VBP1: variants seen among roughly 807,000 people sequenced by gnomAD.
The protein encoded by VBP1 is VHL binding protein 1, also known as prefoldin subunit 3.
In VBP1, 4 loss-of-function variants were observed where a neutral mutation model predicts 15.5. The observed-to-expected ratio is 0.26, with a 90% CI of 0.13 to 0.59. The LOEUF is 0.59. Among genes scored for constraint, VBP1 ranks in the 20% least tolerant of loss-of-function variants. The probability of loss-of-function intolerance (pLI) is 0.90; values close to 1 mark genes in which losing one functional copy is unlikely to be tolerated. For synonymous variants in VBP1, 61 were observed against 52.1 expected (o/e 1.17, Z -0.74); for missense variants, 108 against 139.6 (o/e 0.77, Z 1.14).
chrX:155,217,761 A>G, intron 1 of VBP1, among the ~76,000 whole-genome samples: 1 of 111,534 alleles, frequency 9.0e-6, no homozygotes, highest in East Asian at 2.8e-4. Flanking sequence ...TACTACTGTT[A>G]TGCCCGTTTT....
intron 1 of VBP1, among the ~76,000 whole-genome samples, chrX:155,199,481 A>G (rs1175379397): frequency 1.8e-5 from 2 of 112,047 alleles, no homozygotes; most frequent in Admixed American, 9.5e-5. Context: ...AGAATTTTCA[A>G]CCCAGAATTT....
At chrX:155,238,277 A>C (rs1490702480) in intron 5 of VBP1, among the ~76,000 whole-genome samples, 1 of 112,179 alleles carries the variant, frequency 8.9e-6, no homozygotes, top group Non-Finnish European at 1.9e-5. Context: ...AAAGAACTTC[A>C]CCTGTCTTAT....
chrX:155,231,145 C>G (rs782105232), intron 4 of VBP1, among the ~76,000 whole-genome samples: 4 of 112,196 alleles, frequency 3.6e-5, no homozygotes, highest in South Asian at 3.7e-4. Flanking sequence ...CTTTTCTGCT[C>G]AAGACCCCAG....
At chrX:155,204,210 T>C (rs2074618228) in intron 1 of VBP1, among the ~76,000 whole-genome samples, 1 of 111,344 alleles carries the variant, frequency 9.0e-6, no homozygotes, top group Admixed American at 9.5e-5. Flanking sequence ...TGGAGTGAAG[T>C]GGCACGATGT....
At chrX:155,232,893 A>C (rs781920527) in intron 4 of VBP1, among the ~76,000 whole-genome samples, 17 of 112,845 alleles carry the variant, frequency 1.5e-4, no homozygotes, top group African/African-American at 1.9e-4. Flanking sequence ...GTTCATATCA[A>C]CTCTGTAGTA....
chrX:155,228,249 C>G, intron 3 of VBP1, 135 bp from the exon 4 acceptor site: 1 of 506,355 alleles, frequency 2.0e-6, no homozygotes, highest in Non-Finnish European at 3.2e-6. Context: ...GCATTCATTT[C>G]TTTTACCACT....
At chrX:155,237,510 A>G (rs1557311735) in intron 5 of VBP1, among the ~76,000 whole-genome samples, 2 of 111,374 alleles carry the variant, frequency 1.8e-5, no homozygotes, top group African/African-American at 6.5e-5. Flanking sequence ...CTTACAAGAT[A>G]TACATATAGG....
rs781973699 is a variant in VBP1 at position 155,233,884 on chromosome X, A to G, written c.385-2345A>G. ...TATGAATACTTTTCTATATGTATATAATATTAAATATAAACAAAAAAATCA... is the reference window on the plus strand; with the variant it reads ...TATGAATACTTTTCTATATGTATATGATATTAAATATAAACAAAAAAATCA... On this transcript the variant is annotated intron_variant, in intron 4 of 5. Coordinates refer to ENST00000286428, the MANE Select transcript of VBP1 (RefSeq NM_003372.7). 2.7e-5 allele frequency among the ~76,000 whole-genome samples: 3 copies of G among 110,796 alleles called. No homozygotes were observed. The South Asian group carries it at 1.1e-3, about 42-fold the overall frequency.
chrX:155,214,768 C>CTTTTTTTTTTTTTTTTTTTTTTTTTTT (rs782556765), upstream of VBP1, among the ~76,000 whole-genome samples: 1 of 83,076 alleles, frequency 1.2e-5, no homozygotes, highest in African/African-American at 5.2e-5. Flanking sequence ...TTTTCTTTTC[C>CTTTTTTTTTTTTTTTTTTTTTTTTTTT]TTTTTTTTTT....
At chrX:155,211,791 C>A (rs182832133), upstream of VBP1, among the ~76,000 whole-genome samples, 21 of 111,954 alleles carry the variant, frequency 1.9e-4, no homozygotes, top group African/African-American at 6.5e-4. Flanking sequence ...TCTGAGGGAC[C>A]CTGCAGATCT....
At chrX:155,206,526 GC>G (rs1298683036) in intron 1 of VBP1, among the ~76,000 whole-genome samples, 2 of 111,325 alleles carry the variant, frequency 1.8e-5, no homozygotes, top group Non-Finnish European at 3.8e-5. Context: ...AAGCCACTGT[GC>G]CTGGCCTTGA....
At chrX:155,200,540 A>G (rs1476277167) in intron 1 of VBP1, among the ~76,000 whole-genome samples, 1 of 110,947 alleles carries the variant, frequency 9.0e-6, no homozygotes, top group Non-Finnish European at 1.9e-5. Flanking sequence ...AGGCAGAAAT[A>G]AAGATGTTCT....
rs9698262 is a variant in VBP1 at position 155,200,119 on chromosome X, G to A, written c.-31+2980G>A. Among the ~76,000 whole-genome samples the A allele has an allele frequency of 4.9e-3, 456 of 92,237 alleles. 3 individuals are homozygous for A. The highest frequency in any genetic ancestry group is 0.018 in the African/African-American group (438 of 24,846). The allele number at this position is 92,237 out of a possible 115,157, so 80.1% of individuals were successfully genotyped here. Reference sequence around the variant, plus strand: ...CCCAGTTTCATAAAGCAAGTCCTGAGTGACCTACAAAGAGACTTAGACTCC... The same window carrying A: ...CCCAGTTTCATAAAGCAAGTCCTGAATGACCTACAAAGAGACTTAGACTCC... On this transcript the variant is annotated intron_variant, in intron 1 of 6. Coordinates refer to the VBP1 transcript ENST00000535916.
intron 1 of VBP1, chrX:155,197,225 C>G (rs1220369777): frequency 9.0e-6 from 1 of 111,643 alleles, no homozygotes; most frequent in Non-Finnish European, 1.9e-5. Context: ...ACAACTCTTT[C>G]TTTCTTAGCT....
At chrX:155,209,021 T>C (rs1557308312) in intron 2 of VBP1, 3 of 1,104,341 alleles carry the variant, frequency 2.7e-6, no homozygotes, top group Admixed American at 2.6e-5. Flanking sequence ...TTGGCAGAGA[T>C]AGGCAGTCAC....
At position 155,238,894 on chromosome X, in the gene VBP1, C is replaced by T. The variant is rs782445538; in HGVS notation, c.*52C>T. On this transcript the variant is annotated 3_prime_UTR_variant, in exon 6 of 6. Transcript: ENST00000286428. ...TTTTCCAAACATGTTATCTTAAATA[C>T]CCCTTTATCCTTACAGGTTGACATA... 1.6e-5 allele frequency: 15 copies of T among 962,604 alleles called. No individual in the cohort carries two copies. The highest frequency in any genetic ancestry group is 3.0e-4 in the Middle Eastern group (1 of 3,347). The allele number at this position is 962,604 out of a possible 1,213,427, so 79.3% of individuals were successfully genotyped here. A position where few individuals can be genotyped will look rare whatever the true frequency, so the allele number is the denominator to read the frequency against.
chrX:155,230,189 G>A (rs1260546799), intron 4 of VBP1, among the ~76,000 whole-genome samples: 6 of 111,271 alleles, frequency 5.4e-5, no homozygotes, highest in South Asian at 3.8e-4. Context: ...TTTGGTGTTC[G>A]CGGACAGTCT....
intron 2 of VBP1, among the ~76,000 whole-genome samples, chrX:155,224,252 G>A (rs2074708205): frequency 8.9e-6 from 1 of 112,860 alleles, no homozygotes; most frequent in Non-Finnish European, 1.9e-5. Context: ...AAGGCAGGCG[G>A]CTGGGAGGTG....
intron 4 of VBP1, among the ~76,000 whole-genome samples, chrX:155,229,093 T>C (rs1447557720): frequency 1.8e-5 from 2 of 111,957 alleles, no homozygotes; most frequent in Non-Finnish European, 3.8e-5. Context: ...GCAAGCCAAG[T>C]GTACTTCTAC....
Sources: gnomAD v4.1 joint callset for allele counts (sites outside exome capture counted in the v4.1 genomes callset) on GRCh38, gnomAD v4.1.1 for gene constraint, MANE v1.5 for transcripts, NCBI Gene and HGNC (gene_info 2026-07-23, HGNC 2026-07-21) for gene names.